The following SUMF1 variants were observed in gnomAD, a reference collection of about 807,000 sequenced individuals.
The protein encoded by SUMF1 is formylglycine-generating enzyme.
In SUMF1, 48 loss-of-function variants were observed where a neutral mutation model predicts 47.6. That is an observed-to-expected ratio of 1.01 (90% CI 0.80 to 1.28). SUMF1 has a LOEUF of 1.28. SUMF1 is among the 50% of genes most tolerant of loss of function. The pLI is 0.00. For missense variants in SUMF1, 571 were observed against 485.4 expected (o/e 1.18, Z -1.66); for synonymous variants, 230 against 192.1 (o/e 1.20, Z -1.63).
intron 7 of SUMF1, among the ~76,000 whole-genome samples, chr3:4,401,806 T>C (rs1188294938): frequency 1.3e-5 from 2 of 152,168 alleles, no homozygotes; most frequent in Non-Finnish European, 2.9e-5. Flanking sequence ...GCCCAACCCA[T>C]CCTGCTGAAC....
chr3:4,294,931 T>C (rs778136978), intron 8 of SUMF1, among the ~76,000 whole-genome samples: 1 of 152,148 alleles, frequency 6.6e-6, no homozygotes, highest in Non-Finnish European at 1.5e-5. Context: ...AATTCCTACG[T>C]AGAGATCCGT....
intron 8 of SUMF1, among the ~76,000 whole-genome samples, chr3:4,124,009 G>T (rs1693601213): frequency 6.6e-6 from 1 of 152,078 alleles, no homozygotes; most frequent in Non-Finnish European, 1.5e-5. Flanking sequence ...TTTTCTAAAA[G>T]CTCTCCCTCC....
chr3:4,333,214 C>A (rs2125130579), intron 8 of SUMF1, among the ~76,000 whole-genome samples: 1 of 152,364 alleles, frequency 6.6e-6, no homozygotes, highest in East Asian at 1.9e-4. Flanking sequence ...GTCCACTGAG[C>A]TGGTTAACAT....
At chr3:4,104,801 C>T (rs1693120719) in intron 8 of SUMF1, among the ~76,000 whole-genome samples, 1 of 151,936 alleles carries the variant, frequency 6.6e-6, no homozygotes, top group Non-Finnish European at 1.5e-5. Flanking sequence ...CCTCTTTCAC[C>T]CTTTGCTTCT....
At position 4,321,917 on chromosome 3, in the gene SUMF1, G is replaced by C. The variant is rs151184195; in HGVS notation, c.1014+54413C>G. Reference sequence around the variant, plus strand: ...TCAGCTAGGTGATCAAGGTCAATATGAACAGTCATAAATCATGTTGGTAGT... The same window carrying C: ...TCAGCTAGGTGATCAAGGTCAATATCAACAGTCATAAATCATGTTGGTAGT... On this transcript the variant is annotated intron_variant and NMD_transcript_variant, in intron 8 of 12. Coordinates refer to the SUMF1 transcript ENST00000448413. Among the ~76,000 whole-genome samples, 6 of 152,058 alleles carry C rather than the reference G, an allele frequency of 3.9e-5. 1 individual carries two copies.
At chr3:4,193,158 G>C (rs985659649) in intron 8 of SUMF1, among the ~76,000 whole-genome samples, 6 of 151,978 alleles carry the variant, frequency 3.9e-5, no homozygotes, top group Non-Finnish European at 5.9e-5. Context: ...AAGCTACTAG[G>C]CATATGTAGA....
intron 8 of SUMF1, among the ~76,000 whole-genome samples, chr3:4,375,866 T>C (rs1385636599): frequency 6.6e-6 from 1 of 152,196 alleles, no homozygotes; most frequent in Non-Finnish European, 1.5e-5. Context: ...GAATGATGCT[T>C]ATTTCACAAG....
intron 8 of SUMF1, among the ~76,000 whole-genome samples, chr3:4,350,332 CGTGTGTGTGT>C (rs10674918): frequency 6.8e-6 from 1 of 146,466 alleles, no homozygotes; most frequent in African/African-American, 2.6e-5. Context: ...TGTGTATATG[CGTGTGTGTGT>C]GTGTGTGTGT....
chr3:4,455,574 G>A (rs774172605), intron 1 of SUMF1, among the ~76,000 whole-genome samples: 8 of 152,054 alleles, frequency 5.3e-5, no homozygotes, highest in East Asian at 1.9e-4. Context: ...AAAATTAGCC[G>A]GGTGTTGTGG....
At chr3:4,252,877 T>G (rs1169537588) in intron 8 of SUMF1, among the ~76,000 whole-genome samples, 1 of 152,128 alleles carries the variant, frequency 6.6e-6, no homozygotes, top group East Asian at 1.9e-4. Context: ...AACACAAAAA[T>G]GCACCCTAAA....
At chr3:4,058,719 G>T (rs899296594) in intron 9 of SUMF1, among the ~76,000 whole-genome samples, 1 of 152,144 alleles carries the variant, frequency 6.6e-6, no homozygotes, top group Non-Finnish European at 1.5e-5. Context: ...AAATAAAGTA[G>T]AACAGGCTTG....
chr3:4,338,978 G>C (rs926377551), intron 8 of SUMF1, among the ~76,000 whole-genome samples: 4 of 152,136 alleles, frequency 2.6e-5, no homozygotes, highest in Admixed American at 2.6e-4. Flanking sequence ...GGGTATTGCT[G>C]ACTGAGCCAA....
chr3:4,288,407 A>G (rs1382547833), intron 8 of SUMF1, among the ~76,000 whole-genome samples: 1 of 152,016 alleles, frequency 6.6e-6, no homozygotes, highest in Non-Finnish European at 1.5e-5. Flanking sequence ...ATAGATGTAA[A>G]AGCATTCTGA....
chr3:4,262,791 G>C (rs1411392231), intron 8 of SUMF1, among the ~76,000 whole-genome samples: 1 of 152,180 alleles, frequency 6.6e-6, no homozygotes, highest in Non-Finnish European at 1.5e-5. Flanking sequence ...GAGGCCATGA[G>C]AGGATCCTCC....
intron 8 of SUMF1, among the ~76,000 whole-genome samples, chr3:4,165,716 G>T (rs1470300341): frequency 6.6e-6 from 1 of 151,942 alleles, no homozygotes; most frequent in Non-Finnish European, 1.5e-5. Flanking sequence ...AGACCATGGT[G>T]CAGAAAAAAA....
chr3:4,221,007 T>C (rs1417937307), intron 8 of SUMF1, among the ~76,000 whole-genome samples: 1 of 152,136 alleles, frequency 6.6e-6, no homozygotes, highest in Non-Finnish European at 1.5e-5. Flanking sequence ...TGCCCACACA[T>C]ATTTCTCACT....
At chr3:4,316,856 A>T (rs1381592565) in intron 8 of SUMF1, 2 of 1,549,732 alleles carry the variant, frequency 1.3e-6, no homozygotes, top group Non-Finnish European at 1.7e-6. Flanking sequence ...AAACCATTAC[A>T]TCTGAGAAGT....
At chr3:4,404,599 A>C (rs1701317476) in intron 7 of SUMF1, among the ~76,000 whole-genome samples, 1 of 152,164 alleles carries the variant, frequency 6.6e-6, no homozygotes, top group East Asian at 1.9e-4. Flanking sequence ...CTCGACTGAA[A>C]ATACAAAATT....
At chr3:4,287,494 G>A (rs1351725690) in intron 8 of SUMF1, among the ~76,000 whole-genome samples, 1 of 151,960 alleles carries the variant, frequency 6.6e-6, no homozygotes, top group Admixed American at 6.6e-5. Flanking sequence ...TTTGGAATCA[G>A]ATTGGATGCT....
Sources: allele counts gnomAD v4.1 joint callset (sites outside exome capture counted in the v4.1 genomes callset), GRCh38; gene constraint gnomAD v4.1.1; transcripts MANE v1.5; gene names NCBI Gene and HGNC (gene_info 2026-07-23, HGNC 2026-07-21).